The following DYNC2H1 variants were observed in gnomAD, a reference collection of about 807,000 sequenced individuals.
The protein encoded by DYNC2H1 is cytoplasmic dynein 2 heavy chain 1.
Under a neutral mutation model 570.0 loss-of-function variants are expected in DYNC2H1, and 410 were observed. The ratio of observed to expected loss-of-function variants is 0.72; its 90% CI spans 0.66 to 0.78. The LOEUF (loss-of-function observed/expected upper bound fraction) is 0.78. DYNC2H1 is among the 30% of genes least tolerant of loss of function. DYNC2H1 has a pLI of 0.00. For synonymous variants in DYNC2H1, 1,688 were observed against 1,677.6 expected (o/e 1.01, Z -0.15); for missense variants, 4,865 against 5,046.4 (o/e 0.96, Z 1.09).
intron 85 of DYNC2H1, among the ~76,000 whole-genome samples, chr11:103,436,606 T>C (rs889603978): frequency 4.6e-5 from 7 of 152,138 alleles, no homozygotes; most frequent in Non-Finnish European, 1.0e-4. Context: ...TAACGTCTAC[T>C]ATCACATGAA....
intron 87 of DYNC2H1, among the ~76,000 whole-genome samples, chr11:103,459,958 C>CTAAA (rs1555140355): frequency 1.4e-5 from 1 of 70,858 alleles, no homozygotes; most frequent in African/African-American, 6.5e-5. Context: ...GACTCCGTCT[C>CTAAA]AAAAAAAAAA....
chr11:103,317,386 C>G (rs956129824), intron 80 of DYNC2H1, among the ~76,000 whole-genome samples: 1 of 151,426 alleles, frequency 6.6e-6, no homozygotes, highest in Admixed American at 6.6e-5. Context: ...TTTTCTCATC[C>G]TCAGACATCC....
At chr11:103,344,021 A>G (rs12364804) in intron 82 of DYNC2H1, among the ~76,000 whole-genome samples, 33,014 of 152,252 alleles carry the variant, frequency 0.22, 3,717 homozygotes, top group Admixed American at 0.31. Flanking sequence ...AAACTACTCC[A>G]TCACTTTTAG....
At position 103,319,606 on chromosome 11, in the gene DYNC2H1, G is replaced by A. The variant is rs1938055566; in HGVS notation, c.11726-1423G>A. On this transcript the variant is annotated intron_variant, in intron 80 of 88. Coordinates refer to ENST00000375735, the MANE Select transcript of DYNC2H1 (RefSeq NM_001377.3). This position sits in a 1 kb window ranked among gnomAD's most constrained non-coding sequence, Gnocchi z 4.3. ...TATTATTGCTATTGTTGTAATTTAA[G>A]TTCTATTCATTTTATTTTATCCTGA... Among the ~76,000 whole-genome samples, 3 of 152,098 alleles carry A rather than the reference G, an allele frequency of 2.0e-5. No homozygotes were observed. The highest frequency in any genetic ancestry group is 1.3e-4 in the Admixed American group (2 of 15,278).
Position 103,211,929 on chromosome 11 carries a change from CA to C in DYNC2H1, c.8683del (p.Ser2895ValfsTer10). On this transcript the variant is annotated frameshift_variant, in exon 54 of 89. Transcript: ENST00000375735. LOFTEE classifies it high-confidence loss of function. ...CAAGAAAAAGGAATTATTAAAAAGACAAAGTCATTTGCAGGTATAGTATTGG... is the reference window on the plus strand; with the variant it reads ...CAAGAAAAAGGAATTATTAAAAAGACAAGTCATTTGCAGGTATAGTATTGG... ...SSKKKELLKR[Q>X]SHLQAGVSKL... is the part of the protein sequence containing the mutation. The C allele has an allele frequency of 6.6e-7, 1 of 1,526,272 alleles. No homozygotes were observed. Among genetic ancestry groups the C allele is most frequent in the Non-Finnish European group, 8.8e-7 (1 of 1,135,864 alleles). 94.5% of individuals were successfully genotyped at this position (1,526,272 alleles called of 1,614,324 possible).
chr11:103,442,789 C>T (rs1236738812), intron 85 of DYNC2H1, among the ~76,000 whole-genome samples: 5 of 152,056 alleles, frequency 3.3e-5, no homozygotes, highest in Non-Finnish European at 7.4e-5. Flanking sequence ...ATAAGAGTAT[C>T]TTTACAGCAG....
chr11:103,148,208 A>T (rs1284678808), intron 19 of DYNC2H1, among the ~76,000 whole-genome samples: 1 of 152,192 alleles, frequency 6.6e-6, no homozygotes, highest in African/African-American at 2.4e-5. Flanking sequence ...TAAAACTGAG[A>T]TGTTTTAGTA....
chr11:103,343,580 T>A (rs1339153360), intron 82 of DYNC2H1, among the ~76,000 whole-genome samples: 1 of 152,074 alleles, frequency 6.6e-6, no homozygotes, highest in Non-Finnish European at 1.5e-5. Flanking sequence ...GAAGCTAGGA[T>A]GTGGGGAGCC....
At chr11:103,425,222 G>A (rs555172224) in intron 84 of DYNC2H1, among the ~76,000 whole-genome samples, 155 of 150,988 alleles carry the variant, frequency 1.0e-3, no homozygotes, top group African/African-American at 2.8e-3. Flanking sequence ...TACAGGTGGC[G>A]CCACCTGGCC....
chr11:103,408,053 G>A (rs1565572076), intron 84 of DYNC2H1: 1 of 151,988 alleles, frequency 6.6e-6, no homozygotes, highest in Non-Finnish European at 1.5e-5. Flanking sequence ...TAGGCTTGAT[G>A]TGGCTAGTAT....
intron 34 of DYNC2H1, among the ~76,000 whole-genome samples, chr11:103,172,318 T>G (rs918251129): frequency 1.3e-5 from 2 of 152,146 alleles, no homozygotes; most frequent in African/African-American, 4.8e-5. Context: ...TCCTCTTCCC[T>G]GGGACCTTAT....
chr11:103,467,815 G>A (rs1328219650), intron 87 of DYNC2H1, among the ~76,000 whole-genome samples: 3 of 152,160 alleles, frequency 2.0e-5, no homozygotes, highest in Admixed American at 6.5e-5. Flanking sequence ...GGGATTACAG[G>A]TGTGAGCCAC....
In DYNC2H1 at chr11:103,209,844, T is replaced by C. The variant is rs1250456151; in HGVS notation, c.8455-32T>C. ...TTAACTTATGATATGGGACTTATAC[T>C]CTTTCATAGTGATATTCTTTTTATG... On this transcript the variant is annotated intron_variant, in intron 52 of 88. Transcript: ENST00000375735. This position sits in a 1 kb window ranked among gnomAD's most constrained non-coding sequence, Gnocchi z 4.2. 1 of 1,415,830 alleles carries C rather than the reference T, an allele frequency of 7.1e-7. No homozygotes were observed. Among genetic ancestry groups the C allele is most frequent in the Non-Finnish European group, 9.3e-7 (1 of 1,080,552 alleles). 87.7% of individuals were successfully genotyped at this position (1,415,830 alleles called of 1,614,324 possible). A position where few individuals can be genotyped will look rare whatever the true frequency, so the allele number is the denominator to read the frequency against.
chr11:103,283,121 C>T, intron 73 of DYNC2H1, 36 bp downstream of exon 73: 1 of 1,523,406 alleles, frequency 6.6e-7, no homozygotes, highest in Non-Finnish European at 9.0e-7. Flanking sequence ...GTTTTAATTT[C>T]TTCTGTATTT....
rs560176151 is a variant in DYNC2H1 at position 103,468,898 on chromosome 11, T to A, written c.12765+193T>A. ...TGCACAAGACATTTGAAAACCTTGA[T>A]TTTGTTATAGAAAGAATAACATAGT... On this transcript the variant is annotated intron_variant, in intron 88 of 88. Transcript: ENST00000375735. Among the ~76,000 whole-genome samples, 3 of 152,306 alleles carry A rather than the reference T, an allele frequency of 2.0e-5. No homozygotes were observed. The South Asian group carries it at 6.2e-4, about 32-fold the overall frequency.
At position 103,177,149 on chromosome 11, in the gene DYNC2H1, C is replaced by G. The variant is rs902897077; in HGVS notation, c.5875-407C>G. 6.6e-6 allele frequency among the ~76,000 whole-genome samples: 1 copy of G among 151,990 alleles called. No individual in the cohort carries two copies. Among genetic ancestry groups the G allele is most frequent in the Non-Finnish European group, 1.5e-5 (1 of 67,998 alleles). ...ATTTATTAGGATTTTAAGTGAGTCT[C>G]TTTATGTAGTGCAAATAATTGTCCA... On this transcript the variant is annotated intron_variant, in intron 37 of 88. Coordinates refer to ENST00000375735, the MANE Select transcript of DYNC2H1 (RefSeq NM_001377.3). The surrounding 1 kb of genome is among the most constrained non-coding windows in gnomAD (Gnocchi z 4.4).
intron 78 of DYNC2H1, among the ~76,000 whole-genome samples, 172 bp downstream of exon 78, chr11:103,308,003 A>C (rs1368212706): frequency 1.3e-5 from 2 of 152,226 alleles, no homozygotes; most frequent in Non-Finnish European, 2.9e-5. Context: ...AAATCTTTTC[A>C]AATTTTATTT....
chr11:103,370,559 C>T (rs907412132), intron 83 of DYNC2H1, among the ~76,000 whole-genome samples: 6 of 152,174 alleles, frequency 3.9e-5, no homozygotes, highest in African/African-American at 1.4e-4. Context: ...CAGTACAGTA[C>T]TAATGGTGGT....
chr11:103,388,111 G>A (rs757521989), intron 83 of DYNC2H1, among the ~76,000 whole-genome samples: 10 of 152,138 alleles, frequency 6.6e-5, no homozygotes, highest in Non-Finnish European at 1.3e-4. Context: ...CCATTTTCAC[G>A]ATAATGATTC....
Sources: allele counts gnomAD v4.1 joint callset (sites outside exome capture counted in the v4.1 genomes callset), GRCh38; gene constraint gnomAD v4.1.1; non-coding constraint Gnocchi (gnomAD v3.1); transcripts MANE v1.5; gene names NCBI Gene and HGNC (gene_info 2026-07-23, HGNC 2026-07-21).